RNF212: variants seen among roughly 807,000 people sequenced by gnomAD.
RNF212 encodes the protein ring finger protein 212.
RNF212 carries 33 observed loss-of-function variants against 34.7 expected under a neutral mutation model. The observed-to-expected ratio is 0.95, with a 90% CI of 0.72 to 1.27. The LOEUF (loss-of-function observed/expected upper bound fraction) is 1.27, where lower values mean the gene tolerates loss of function less well. RNF212 is among the 50% of genes most tolerant of loss of function. RNF212 has a pLI of 0.00. For synonymous variants in RNF212, 140 were observed against 136.1 expected (o/e 1.03, Z -0.20); for missense variants, 377 against 362.2 (o/e 1.04, Z -0.33).
chr4:1,083,945 ATTTT>A (rs376424627), intron 5 of RNF212, among the ~76,000 whole-genome samples: 7 of 134,650 alleles, frequency 5.2e-5, no homozygotes, highest in African/African-American at 8.2e-5. Flanking sequence ...CATTTTGTGC[ATTTT>A]TTTTTTTTTT....
chr4:1,079,737 T>G, intron 7 of RNF212, 49 bp from the exon 8 acceptor site: 8 of 1,275,728 alleles, frequency 6.3e-6, no homozygotes, highest in Non-Finnish European at 9.2e-6. Context: ...GACTTACCTC[T>G]AACAACGTCA....
chr4:1,098,831 G>A (rs547905894), intron 2 of RNF212, among the ~76,000 whole-genome samples: 4 of 152,296 alleles, frequency 2.6e-5, no homozygotes, highest in East Asian at 3.9e-4. Flanking sequence ...ATGTGAGTGC[G>A]CAGGGAGCGG....
At chr4:1,094,151 C>T in intron 3 of RNF212, 1 of 1,159,258 alleles carries the variant, frequency 8.6e-7, no homozygotes, top group East Asian at 2.6e-5. Flanking sequence ...CAGTCTCCTG[C>T]CTCAGATCCT....
In RNF212 at chr4:1,104,701, C is replaced by T. The variant is rs561555401; in HGVS notation, c.171+3642G>A. 2.5e-3 allele frequency among the ~76,000 whole-genome samples: 374 copies of T among 152,298 alleles called. 2 individuals are homozygous for T. The highest frequency in any genetic ancestry group is 4.8e-3 in the Admixed American group (73 of 15,308). On this transcript the variant is annotated intron_variant, in intron 2 of 9. Transcript: ENST00000433731. ...TCACTCCCCCAGAGTGGAGCGCCCC[C>T]ACCACCACTGTCACTGGCCCAGCTC...
At chr4:1,106,978 A>G (rs1724927789) in intron 2 of RNF212, among the ~76,000 whole-genome samples, 1 of 152,242 alleles carries the variant, frequency 6.6e-6, no homozygotes, top group Admixed American at 6.5e-5. Context: ...AGGCTCACTG[A>G]TAGGAAAATA....
At chr4:1,081,666 T>C (rs761152544) in intron 5 of RNF212, 47 bp from the exon 6 acceptor site, 8 of 1,360,752 alleles carry the variant, frequency 5.9e-6, no homozygotes, top group African/African-American at 1.4e-5. Flanking sequence ...AAAAACTGAC[T>C]TCCCCCCAGG....
chr4:1,085,682 A>C, intron 5 of RNF212: 11 of 562,946 alleles, frequency 2.0e-5, no homozygotes, highest in South Asian at 4.2e-5. Context: ...AGGGGAAACC[A>C]TTCATCTCTT....
rs1392782361 is a variant in RNF212, at chr4:1,079,675, C to T, written c.478G>A (p.Glu160Lys). Residue 160 changes from glutamate to lysine, a missense_variant, in exon 8 of 10, where the codon GAA becomes AAA. Transcript: ENST00000433731. ...ATCGGAGAAGGAGAGAGATCAACTT[C>T]CATCGACTCCAGTCTGTTAAACACA... Reference protein sequence around the residue: ...SSAPDRLESMEVDLSPSPIRK... With the variant: ...SSAPDRLESMKVDLSPSPIRK... 1.2e-6 allele frequency: 2 copies of T among 1,611,542 alleles called. No homozygotes were observed. The highest frequency in any genetic ancestry group is 1.1e-5 in the South Asian group (1 of 91,032).
intron 4 of RNF212, among the ~76,000 whole-genome samples, chr4:1,058,165 TTCTC>T (rs1400536147): frequency 1.3e-5 from 2 of 151,054 alleles, no homozygotes; most frequent in Non-Finnish European, 3.0e-5. Flanking sequence ...TTAGCACTAA[TTCTC>T]TCTGGTGAGT....
exon 5 of RNF212, chr4:1,056,366 G>A (rs969840274): frequency 1.1e-5 from 2 of 186,954 alleles, no homozygotes; most frequent in African/African-American, 4.7e-5. Flanking sequence ...AAGGCTGGAG[G>A]ACTGGAAGGG....
At chr4:1,059,796 G>C (rs1469304346) in intron 3 of RNF212, among the ~76,000 whole-genome samples, 1 of 152,236 alleles carries the variant, frequency 6.6e-6, no homozygotes. Flanking sequence ...AATACTATAT[G>C]GTCAGTTGAA....
rs190915902 is a variant in RNF212, at chr4:1,084,706, G to A, written c.362+1190C>T. Among the ~76,000 whole-genome samples, 5 of 136,422 alleles carry A rather than the reference G, an allele frequency of 3.7e-5. No individual in the cohort carries two copies. The East Asian group carries it at 9.0e-4, about 24-fold the overall frequency. 89.5% of individuals were successfully genotyped at this position (136,422 alleles called of 152,430 possible). ...CACGCCACTGCACTCCAGCCTGGGTGACAGAGGAAGACCCTGTCTCAAAAA... is the reference window on the plus strand; with the variant it reads ...CACGCCACTGCACTCCAGCCTGGGTAACAGAGGAAGACCCTGTCTCAAAAA... On this transcript the variant is annotated intron_variant, in intron 5 of 9. Coordinates refer to ENST00000433731, the MANE Select transcript of RNF212 (RefSeq NM_001131034.4).
intron 1 of RNF212, among the ~76,000 whole-genome samples, chr4:1,111,666 C>T (rs1027092212): frequency 3.3e-5 from 5 of 152,226 alleles, no homozygotes; most frequent in Non-Finnish European, 2.9e-5. Context: ...CTCCAATCTA[C>T]TTTTCACCTC....
At chr4:1,077,363 G>A (rs1719490158) in intron 8 of RNF212, among the ~76,000 whole-genome samples, 1 of 152,214 alleles carries the variant, frequency 6.6e-6, no homozygotes, top group African/African-American at 2.4e-5. Context: ...AGCACCTAGT[G>A]AAGTGTCAAT....
rs1720390819 is a variant in RNF212, at chr4:1,081,761, C to T, written c.363-142G>A. The T allele has an allele frequency of 4.6e-6, 3 of 657,002 alleles. No individual in the cohort carries two copies. In the African/African-American group the frequency reaches 5.4e-5, roughly 12 times the overall value. 40.7% of individuals were successfully genotyped at this position (657,002 alleles called of 1,614,324 possible). ...CAAACGGCATTTCACATGAATTCAG[C>T]AGTTCCCATAGCGTCCTGTGAGTCG... is the stretch of plus-strand genomic sequence containing the variant. On this transcript the variant is annotated intron_variant, in intron 5 of 9. Transcript: ENST00000433731.
chr4:1,073,831 T>C lies in RNF212; in HGVS notation c.511-169A>G, dbSNP rs1718828839. 76 of 628,634 alleles carry C rather than the reference T, an allele frequency of 1.2e-4. 3 individuals carry two copies. In the South Asian group the frequency reaches 1.4e-3, roughly 11 times the overall value. 38.9% of individuals were successfully genotyped at this position (628,634 alleles called of 1,614,324 possible). A position where few individuals can be genotyped will look rare whatever the true frequency, so the allele number is the denominator to read the frequency against. Reference sequence around the variant, plus strand: ...TGATTCTGTGTTCACCTCCCGACTCTGCCTGCTGGTGGTAGAGGTGGTGTG... The same window carrying C: ...TGATTCTGTGTTCACCTCCCGACTCCGCCTGCTGGTGGTAGAGGTGGTGTG... On this transcript the variant is annotated intron_variant, in intron 8 of 9. Coordinates refer to ENST00000433731, the MANE Select transcript of RNF212 (RefSeq NM_001131034.4).
chr4:1,085,576 C>A (rs1437902018), intron 5 of RNF212: 1 of 424,938 alleles, frequency 2.4e-6, no homozygotes, highest in African/African-American at 2.0e-5. Flanking sequence ...TGCAGGGCCA[C>A]CCCACCTGTG....
At chr4:1,102,350 T>C (rs1215454938) in intron 2 of RNF212, among the ~76,000 whole-genome samples, 2 of 152,214 alleles carry the variant, frequency 1.3e-5, no homozygotes, top group South Asian at 4.1e-4. Context: ...GTTGGCCTTG[T>C]AGAACCTGCA....
rs1196941578 is a variant in RNF212, at chr4:1,111,005, C to T, written c.109+2351G>A. On this transcript the variant is annotated intron_variant, in intron 1 of 9. Coordinates refer to ENST00000433731, the MANE Select transcript of RNF212 (RefSeq NM_001131034.4). ...AGTATGCTGACCTCAAAAGCTATGACGCTCTGAGCCCTGTCTTCACACTTC... is the reference window on the plus strand; with the variant it reads ...AGTATGCTGACCTCAAAAGCTATGATGCTCTGAGCCCTGTCTTCACACTTC... Among the ~76,000 whole-genome samples the T allele has an allele frequency of 7.9e-5, 12 of 152,138 alleles. 1 individual carries two copies. Among genetic ancestry groups the T allele is most frequent in the Admixed American group, 2.6e-4 (4 of 15,280 alleles).
Sources: gnomAD v4.1 joint callset for allele counts (sites outside exome capture counted in the v4.1 genomes callset) on GRCh38, gnomAD v4.1.1 for gene constraint, MANE v1.5 for transcripts, NCBI Gene and HGNC (gene_info 2026-07-23, HGNC 2026-07-21) for gene names.